Variants in NUP210 observed in about 807,000 individuals in gnomAD.
NUP210 encodes the protein nucleoporin 210, also known as nuclear pore membrane glycoprotein 210.
Under a neutral mutation model 196.0 loss-of-function variants are expected in NUP210, and 151 were observed. That is an observed-to-expected ratio of 0.77 (90% CI 0.67 to 0.88). The LOEUF (loss-of-function observed/expected upper bound fraction) is 0.88, where lower values mean the gene tolerates loss of function less well. Among genes scored for constraint, NUP210 ranks in the 40% least tolerant of loss-of-function variants. The pLI is 0.00. For synonymous variants in NUP210, 1,070 were observed against 1,052.7 expected (o/e 1.02, Z -0.32); for missense variants, 2,314 against 2,493.7 (o/e 0.93, Z 1.53).
intron 20 of NUP210, 40 bp from the exon 21 acceptor site, chr3:13,343,343 T>TA: frequency 1.0e-6 from 1 of 996,930 alleles, no homozygotes; most frequent in Non-Finnish European, 1.5e-6. Flanking sequence ...GGGTGGTGGG[T>TA]TACGCAGCTG....
chr3:13,391,244 G>T lies in NUP210; in HGVS notation c.500C>A (p.Ala167Glu), dbSNP rs112416888. 1.9e-6 allele frequency: 3 copies of T among 1,612,520 alleles called. No individual in the cohort carries two copies. The highest frequency in any genetic ancestry group is 1.7e-5 in the Admixed American group (1 of 59,948). ...FEWTIVKDSE[A>E]DRFSDSHNAL... is the part of the protein sequence containing the mutation. ...ATTGTGGGAGTCTGAGAACCTGTCCGCCTCGGAGTCCTTCACAATCGTCCA... is the reference window on the plus strand; with the variant it reads ...ATTGTGGGAGTCTGAGAACCTGTCCTCCTCGGAGTCCTTCACAATCGTCCA... Residue 167 changes from alanine to glutamate, a missense_variant, in exon 4 of 40, where the codon GCG (alanine) becomes GAG (glutamate). By Grantham distance (107) the Ala-to-Glu change is moderately radical. Coordinates refer to ENST00000254508, the MANE Select transcript of NUP210 (RefSeq NM_024923.4).
At chr3:13,377,585 G>C (rs146998719) in intron 8 of NUP210, 23 bp from the exon 9 acceptor site, 1 of 1,584,026 alleles carries the variant, frequency 6.3e-7, no homozygotes, top group Admixed American at 1.7e-5. Flanking sequence ...GAGGGAGCCT[G>C]AGCACTCAGG....
In NUP210 at chr3:13,399,649, T is replaced by C. The variant is rs1021225947; in HGVS notation, c.304+76A>G. 29 of 1,602,436 alleles carry C rather than the reference T, an allele frequency of 1.8e-5. No homozygotes were observed. In the Admixed American group the frequency reaches 4.9e-4, roughly 27 times the overall value. ...CCCTGCCATGGGCTCAGGTAGCCTC[T>C]AGGACCCTGGGTCTTAGTGGGCGTT... On this transcript the variant is annotated intron_variant, in intron 2 of 39. Transcript: ENST00000254508.
chr3:13,352,145 T>G lies in NUP210; in HGVS notation c.2668A>C (p.Ile890Leu). The change falls in exon 19 of 40, where the codon ATC (isoleucine) becomes CTC (leucine). Residue 890 changes from isoleucine to leucine, a missense_variant. Coordinates refer to ENST00000254508, the MANE Select transcript of NUP210 (RefSeq NM_024923.4). Reference protein sequence around the residue: ...LVPLSASIELILVEDVRVSPE... With the variant: ...LVPLSASIELLLVEDVRVSPE... The stretch of plus-strand genomic sequence containing the variant: ...CTCACCCTCACGTCCTCCACCAGGA[T>G]GAGCTCTATGGAGGCCGACAGAGGC... The G allele has an allele frequency of 1.9e-6, 3 of 1,613,978 alleles. No homozygotes were observed. In the South Asian group the frequency reaches 3.3e-5, roughly 18 times the overall value.
intron 15 of NUP210, among the ~76,000 whole-genome samples, chr3:13,359,023 C>A (rs1698281519): frequency 6.6e-6 from 1 of 152,152 alleles, no homozygotes; most frequent in South Asian, 2.1e-4. Context: ...TTTTTTGGAG[C>A]ACCATGGCTC....
chr3:13,391,219 A>G lies in NUP210; in HGVS notation c.525T>C (p.Asn175=). 5 of 1,611,726 alleles carry G rather than the reference A, an allele frequency of 3.1e-6. No individual in the cohort carries two copies. Among genetic ancestry groups the G allele is most frequent in the Non-Finnish European group, 4.2e-6 (5 of 1,178,786 alleles). ...GCAGAGGCACCCCTTACCGCAGCGCATTGTGGGAGTCTGAGAACCTGTCCG... is the reference window on the plus strand; with the variant it reads ...GCAGAGGCACCCCTTACCGCAGCGCGTTGTGGGAGTCTGAGAACCTGTCCG... ...SEADRFSDSH[N]ALRILTFLES... The change falls in exon 4 of 40, where the codon AAT becomes AAC. Residue 175 remains asparagine, a synonymous_variant. Coordinates refer to ENST00000254508, the MANE Select transcript of NUP210 (RefSeq NM_024923.4).
Position 13,340,112 on chromosome 3 carries a change from C to A in NUP210, c.3292-79G>T. 6.2e-7 allele frequency: 1 copy of A among 1,601,620 alleles called. No individual in the cohort carries two copies. Among genetic ancestry groups the A allele is most frequent in the Non-Finnish European group, 8.5e-7 (1 of 1,171,920 alleles). ...CACCTCCCACTCAGAGAGCCAGGGC[C>A]CCAGTGCAGGCAGCTTCTGCCTTCT... On this transcript the variant is annotated intron_variant, in intron 24 of 39. Transcript: ENST00000254508. The surrounding 1 kb of genome is among the most constrained non-coding windows in gnomAD (Gnocchi z 4.0).
intron 3 of NUP210, among the ~76,000 whole-genome samples, chr3:13,391,700 C>T (rs1286871355): frequency 7.0e-6 from 1 of 142,470 alleles, no homozygotes; most frequent in East Asian, 2.2e-4. Flanking sequence ...TCACCACTTC[C>T]TGGGAGTAAA....
Position 13,348,983 on chromosome 3 carries a change from G to T in NUP210, c.2835+2896C>A. On this transcript the variant is annotated intron_variant, in intron 20 of 39. Transcript: ENST00000254508. The surrounding 1 kb of genome is among the most constrained non-coding windows in gnomAD (Gnocchi z 4.0). ...GAAAATCAGAAGCTCTTGCCTCACAGGCCCACACCCCCACACATCAAAAAA... is the reference window on the plus strand; with the variant it reads ...GAAAATCAGAAGCTCTTGCCTCACATGCCCACACCCCCACACATCAAAAAA... 2 of 838,692 alleles carry T rather than the reference G, an allele frequency of 2.4e-6. No individual in the cohort carries two copies. The highest frequency in any genetic ancestry group is 2.9e-6 in the Non-Finnish European group (2 of 695,940). 52.0% of individuals were successfully genotyped at this position (838,692 alleles called of 1,614,324 possible).
intron 31 of NUP210, among the ~76,000 whole-genome samples, chr3:13,328,084 G>A (rs1696848651): frequency 6.6e-6 from 1 of 152,220 alleles, no homozygotes; most frequent in East Asian, 1.9e-4. Context: ...TCTCTATCAG[G>A]TGCTCCTGCT....
chr3:13,420,268 C>A lies in NUP210; in HGVS notation c.-42G>T. 9.6e-7 allele frequency: 1 copy of A among 1,043,232 alleles called. No homozygotes were observed. The highest frequency in any genetic ancestry group is 1.2e-6 in the Non-Finnish European group (1 of 868,772). The allele number at this position is 1,043,232 out of a possible 1,614,324, so 64.6% of individuals were successfully genotyped here. ...CTCCCGCGACCCTGCGCCCGGCCGC[C>A]CGCGCCGCCCCGTTGCCCTCCGCTC... On this transcript the variant is annotated 5_prime_UTR_variant, in exon 1 of 40. Coordinates refer to ENST00000254508, the MANE Select transcript of NUP210 (RefSeq NM_024923.4). The surrounding 1 kb of genome is among the most constrained non-coding windows in gnomAD (Gnocchi z 4.8).
In NUP210 at chr3:13,365,997, G is replaced by A; in HGVS notation, c.1881C>T (p.Gly627=). 6.2e-7 allele frequency: 1 copy of A among 1,614,234 alleles called. No individual in the cohort carries two copies. The highest frequency in any genetic ancestry group is 2.2e-5 in the East Asian group (1 of 44,890). The part of the protein sequence containing the change: ...STTLLVSYRH[G]HVHLSAKITI... The stretch of plus-strand genomic sequence containing the variant: ...TGATCTTGGCACTCAGGTGGACGTG[G>A]CCGTGTCTGTAGCTCACAAGAAGCG... The change falls in exon 14 of 40, where the codon GGC becomes GGT. Residue 627 remains glycine, a synonymous_variant. Transcript: ENST00000254508.
intron 12 of NUP210, 77 bp from the exon 13 acceptor site, chr3:13,372,109 G>C: frequency 7.7e-7 from 1 of 1,292,334 alleles, no homozygotes; most frequent in Non-Finnish European, 1.1e-6. Context: ...TATCCTAAGT[G>C]CTGCTGTGTG....
At chr3:13,343,423 T>A in intron 20 of NUP210, 120 bp from the exon 21 acceptor site, 1 of 1,315,746 alleles carries the variant, frequency 7.6e-7, no homozygotes. Flanking sequence ...CCTCATGGGA[T>A]GCCAGTGGCA....
intron 16 of NUP210, among the ~76,000 whole-genome samples, chr3:13,356,240 C>A (rs1318876600): frequency 6.6e-6 from 1 of 152,240 alleles, no homozygotes; most frequent in Non-Finnish European, 1.5e-5. Flanking sequence ...TCTCTCCTCA[C>A]CAATAATTTA....
At chr3:13,396,350 A>G (rs1289240300) in intron 3 of NUP210, among the ~76,000 whole-genome samples, 1 of 152,182 alleles carries the variant, frequency 6.6e-6, no homozygotes, top group East Asian at 1.9e-4. Flanking sequence ...AAAGGTTTCA[A>G]AGACAAAGTG....
chr3:13,347,927 A>G lies in NUP210; in HGVS notation c.2835+3952T>C, dbSNP rs77490002. On this transcript the variant is annotated intron_variant, in intron 20 of 39. Transcript: ENST00000254508. This position sits in a 1 kb window ranked among gnomAD's most constrained non-coding sequence, Gnocchi z 4.7. ...CACAAGCCTGAAATGAAGGGAGGTG[A>G]AGACCCCAGTGGGCAGGGCGCCTCC... Among the ~76,000 whole-genome samples, 366 of 152,342 alleles carry G rather than the reference A, an allele frequency of 2.4e-3. 2 individuals are homozygous for G. The highest frequency in any genetic ancestry group is 8.4e-3 in the African/African-American group (350 of 41,574).
chr3:13,352,236 C>T (rs772534992), intron 18 of NUP210, 52 bp from the exon 19 acceptor site: 3 of 1,409,298 alleles, frequency 2.1e-6, no homozygotes, highest in South Asian at 1.2e-5. Flanking sequence ...ATTAGGCTGC[C>T]CCTCGGGAAG....
intron 32 of NUP210, among the ~76,000 whole-genome samples, chr3:13,326,956 C>T (rs1426676016): frequency 6.6e-6 from 1 of 152,272 alleles, no homozygotes; most frequent in Non-Finnish European, 1.5e-5. Flanking sequence ...ACCACACAAT[C>T]TGGCAGTGGT....
Sources: allele counts gnomAD v4.1 joint callset (sites outside exome capture counted in the v4.1 genomes callset), GRCh38; gene constraint gnomAD v4.1.1; non-coding constraint Gnocchi (gnomAD v3.1); transcripts MANE v1.5; gene names NCBI Gene and HGNC (gene_info 2026-07-23, HGNC 2026-07-21).